SMOC1: variants seen among roughly 807,000 people sequenced by gnomAD.
SMOC1 encodes the protein SPARC-related modular calcium-binding protein 1.
Under a neutral mutation model 56.3 loss-of-function variants are expected in SMOC1, and 22 were observed. The observed-to-expected ratio is 0.39, with a 90% CI of 0.28 to 0.56. The LOEUF is 0.56. SMOC1 is among the 20% of genes least tolerant of loss of function. The pLI is 0.61. For synonymous variants in SMOC1, 193 were observed against 215.0 expected (o/e 0.90, Z 0.89); for missense variants, 509 against 565.4 (o/e 0.90, Z 1.01).
chr14:69,963,094 C>G (rs1006630647), intron 3 of SMOC1, among the ~76,000 whole-genome samples: 1 of 152,122 alleles, frequency 6.6e-6, no homozygotes, highest in Non-Finnish European at 1.5e-5. Context: ...ATGCCAGTGC[C>G]ACACTCTACT....
intron 1 of SMOC1, among the ~76,000 whole-genome samples, chr14:69,923,281 C>T (rs1884901601): frequency 6.6e-6 from 1 of 152,176 alleles, no homozygotes; most frequent in Non-Finnish European, 1.5e-5. Context: ...TACAAGCTCC[C>T]TCCCTGGCTC....
intron 9 of SMOC1, among the ~76,000 whole-genome samples, chr14:70,012,251 G>T (rs1221133690): frequency 6.6e-6 from 1 of 152,204 alleles, no homozygotes; most frequent in African/African-American, 2.4e-5. Flanking sequence ...TTTTCCACAC[G>T]AGGTTTGTAG....
intron 1 of SMOC1, among the ~76,000 whole-genome samples, chr14:69,936,388 C>A (rs1885295994): frequency 6.6e-6 from 1 of 152,202 alleles, no homozygotes; most frequent in Admixed American, 6.5e-5. Flanking sequence ...GTAGACGCTG[C>A]CCGAGAGGGC....
intron 10 of SMOC1, among the ~76,000 whole-genome samples, chr14:70,015,524 T>C (rs1339215946): frequency 6.6e-6 from 1 of 151,898 alleles, no homozygotes; most frequent in Non-Finnish European, 1.5e-5. Context: ...TCTTGGAAAC[T>C]GCTTGTTGGG....
intron 6 of SMOC1, chr14:69,994,119 T>C (rs1171522521): frequency 2.0e-6 from 1 of 487,902 alleles, no homozygotes; most frequent in Non-Finnish European, 3.7e-6. Flanking sequence ...CCTTACCTCC[T>C]GGGATAATAT....
chr14:69,923,153 G>A (rs60895458), intron 1 of SMOC1, among the ~76,000 whole-genome samples: 19,416 of 151,614 alleles, frequency 0.13, 2,798 homozygotes, highest in African/African-American at 0.36. Context: ...CACAGTGTTA[G>A]CCAGGATGGT....
chr14:69,894,142 A>G (rs1594789434), intron 1 of SMOC1, among the ~76,000 whole-genome samples: 1 of 152,216 alleles, frequency 6.6e-6, no homozygotes, highest in South Asian at 2.1e-4. Flanking sequence ...AGTGACTTTT[A>G]GAGGTGGTTT....
chr14:69,899,886 C>G (rs6573916), intron 1 of SMOC1, among the ~76,000 whole-genome samples: 19,997 of 152,054 alleles, frequency 0.13, 1,769 homozygotes, highest in African/African-American at 0.26. Flanking sequence ...AGATTTCTGC[C>G]CTGGTAAGCT....
intron 3 of SMOC1, among the ~76,000 whole-genome samples, chr14:69,972,930 G>A (rs1007561504): frequency 1.3e-5 from 2 of 152,224 alleles, no homozygotes; most frequent in East Asian, 3.8e-4. Flanking sequence ...ACAGCCTCGG[G>A]CGATGGACTT....
At chr14:69,885,521 A>G (rs1883776979) in intron 1 of SMOC1, 1 of 1,599,198 alleles carries the variant, frequency 6.3e-7, no homozygotes, top group South Asian at 1.1e-5. Flanking sequence ...TTCTGAGTTC[A>G]CCTGTGTGAA....
At chr14:69,944,803 G>T (rs1882721009) in intron 1 of SMOC1, among the ~76,000 whole-genome samples, 1 of 152,182 alleles carries the variant, frequency 6.6e-6, no homozygotes, top group African/African-American at 2.4e-5. Flanking sequence ...GCTAAGGCCA[G>T]GTTCATTGGG....
At chr14:69,989,092 G>A (rs2139535140) in intron 5 of SMOC1, among the ~76,000 whole-genome samples, 1 of 152,270 alleles carries the variant, frequency 6.6e-6, no homozygotes, top group Non-Finnish European at 1.5e-5. Context: ...TTGATGTTTA[G>A]CTTTTTAAAG....
chr14:69,919,293 A>C (rs919961647), intron 1 of SMOC1, among the ~76,000 whole-genome samples: 6 of 152,180 alleles, frequency 3.9e-5, no homozygotes, highest in African/African-American at 1.4e-4. Flanking sequence ...TGAAAAATAA[A>C]GCCCTGGGCC....
At chr14:69,969,454 G>GCAGGAA (rs74547385) in intron 3 of SMOC1, among the ~76,000 whole-genome samples, 2 of 152,052 alleles carry the variant, frequency 1.3e-5, no homozygotes, top group Non-Finnish European at 2.9e-5. Flanking sequence ...AGGAGCAGGA[G>GCAGGAA]CAGGAACAGG....
rs1884597945 is a variant in SMOC1 at position 69,992,458 on chromosome 14, G to T, written c.568G>T (p.Val190Leu). The T allele has an allele frequency of 1.2e-6, 2 of 1,613,748 alleles. No individual in the cohort carries two copies. The highest frequency in any genetic ancestry group is 1.7e-6 in the Non-Finnish European group (2 of 1,179,640). Residue 190 changes from valine to leucine, a missense_variant, in exon 6 of 12, where the codon GTG (valine) becomes TTG (leucine). Transcript: ENST00000361956. ...GACACCCACGATGGAGACCCAGCCG[G>T]TGTTCGATGGAGATGGTAAGATCTT... The part of the protein sequence containing the change: ...KPTPTMETQP[V>L]FDGDEITAPT...
intron 1 of SMOC1, among the ~76,000 whole-genome samples, chr14:69,894,818 A>G (rs1346104928): frequency 1.3e-5 from 2 of 152,226 alleles, no homozygotes; most frequent in African/African-American, 4.8e-5. Flanking sequence ...AAGGAAATAT[A>G]GAAAGAGTTT....
chr14:69,937,729 G>A (rs927741895), intron 1 of SMOC1, among the ~76,000 whole-genome samples: 2 of 152,158 alleles, frequency 1.3e-5, no homozygotes, highest in African/African-American at 2.4e-5. Flanking sequence ...CTGTGACTTC[G>A]AAAGCATTTT....
intron 1 of SMOC1, among the ~76,000 whole-genome samples, chr14:69,908,266 G>A (rs1884464006): frequency 6.6e-6 from 1 of 152,166 alleles, no homozygotes. Flanking sequence ...GCAGTATTAT[G>A]GAGACTTTCA....
chr14:69,906,188 G>A (rs576507988), intron 1 of SMOC1, among the ~76,000 whole-genome samples: 1 of 152,310 alleles, frequency 6.6e-6, no homozygotes, highest in South Asian at 2.1e-4. Context: ...AGAGAGACAA[G>A]GGCTGTGTTC....
Sources: gnomAD v4.1 joint callset for allele counts (sites outside exome capture counted in the v4.1 genomes callset) on GRCh38, gnomAD v4.1.1 for gene constraint, MANE v1.5 for transcripts, NCBI Gene and HGNC (gene_info 2026-07-23, HGNC 2026-07-21) for gene names.